PTPRG: variants seen among roughly 807,000 people sequenced by gnomAD.
PTPRG encodes the protein protein tyrosine phosphatase receptor type G.
Under a neutral mutation model 165.3 loss-of-function variants are expected in PTPRG, and 102 were observed. That is an observed-to-expected ratio of 0.62 (90% CI 0.53 to 0.73). The LOEUF is 0.73. PTPRG is among the 30% of genes least tolerant of loss of function. The pLI is 0.00. For missense variants in PTPRG, 1,866 were observed against 1,861.4 expected (o/e 1.00, Z -0.05); for synonymous variants, 675 against 669.5 (o/e 1.01, Z -0.13).
chr3:61,830,375 A>G (rs551860880), intron 2 of PTPRG, among the ~76,000 whole-genome samples: 25 of 152,272 alleles, frequency 1.6e-4, no homozygotes, highest in South Asian at 8.3e-4. Flanking sequence ...GTGTAATTAC[A>G]GTTCAACCAT....
At chr3:62,066,243 A>G (rs1361979633) in intron 4 of PTPRG, among the ~76,000 whole-genome samples, 2 of 152,238 alleles carry the variant, frequency 1.3e-5, no homozygotes, top group Non-Finnish European at 2.9e-5. Flanking sequence ...AAGAACTCTA[A>G]TGGTAACTTT....
Position 62,078,182 on chromosome 3 carries a change from A to C in PTPRG, c.539A>C (p.Asn180Thr). Reference sequence around the variant, plus strand: ...TTACAGATGCAGATTTTCTTTTACAATCCAGATGACTTTGACAGCTTTCAA... The same window carrying C: ...TTACAGATGCAGATTTTCTTTTACACTCCAGATGACTTTGACAGCTTTCAA... ...FPVEMQIFFYNPDDFDSFQTA... is the reference protein window; with the variant it reads ...FPVEMQIFFYTPDDFDSFQTA... The change falls in exon 5 of 30, where the codon AAT becomes ACT. Residue 180 changes from asparagine (N) to threonine (T), a missense_variant. This residue lies in a region of PTPRG where 408 missense variants were observed against 376.2 expected (regional missense o/e 1.08). Transcript: ENST00000474889. 1 of 1,605,142 alleles carries C rather than the reference A, an allele frequency of 6.2e-7. No homozygotes were observed. Among genetic ancestry groups the C allele is most frequent in the Non-Finnish European group, 8.5e-7 (1 of 1,175,490 alleles).
At chr3:62,268,209 A>T (rs1054754488) in intron 19 of PTPRG, among the ~76,000 whole-genome samples, 1 of 152,102 alleles carries the variant, frequency 6.6e-6, no homozygotes, top group Non-Finnish European at 1.5e-5. Flanking sequence ...AAATTGAAAG[A>T]AGCGTGGTGT....
At chr3:61,746,208 ATTTTTTTTTTTTTTT>A (rs750697053) in intron 1 of PTPRG, among the ~76,000 whole-genome samples, 1 of 81,326 alleles carries the variant, frequency 1.2e-5, no homozygotes, top group Admixed American at 1.4e-4. Context: ...ACACACTCTA[ATTTTTTTTTTTTTTT>A]TTTTTTTTTT....
chr3:61,747,932 C>A (rs548512012), intron 1 of PTPRG, among the ~76,000 whole-genome samples: 1 of 152,218 alleles, frequency 6.6e-6, no homozygotes, highest in South Asian at 2.1e-4. Context: ...TCTTCTTATA[C>A]ATCAGTGTTT....
intron 1 of PTPRG, among the ~76,000 whole-genome samples, chr3:61,653,363 C>T (rs1006481909): frequency 6.6e-6 from 1 of 151,814 alleles, no homozygotes; most frequent in African/African-American, 2.4e-5. Flanking sequence ...GCATATTTGT[C>T]TCCTGTTCCT....
At chr3:61,579,527 C>T (rs1482558322) in intron 1 of PTPRG, among the ~76,000 whole-genome samples, 1 of 152,200 alleles carries the variant, frequency 6.6e-6, no homozygotes, top group African/African-American at 2.4e-5. Flanking sequence ...ATCTGTAATT[C>T]ATCCTTGCAT....
At chr3:61,841,946 A>AC (rs1179503262) in intron 2 of PTPRG, among the ~76,000 whole-genome samples, 4 of 152,232 alleles carry the variant, frequency 2.6e-5, no homozygotes, top group African/African-American at 9.6e-5. Context: ...AACTTGGGTC[A>AC]CCACACAACT....
chr3:61,748,693 TTAATAA>T (rs1322213751), intron 1 of PTPRG, among the ~76,000 whole-genome samples, 179 bp from the exon 2 acceptor site: 3 of 151,192 alleles, frequency 2.0e-5, no homozygotes, highest in Non-Finnish European at 4.4e-5. Context: ...ATTCCTAATA[TTAATAA>T]TAATAATTTG....
At chr3:62,178,109 G>A (rs1026109959) in intron 8 of PTPRG, among the ~76,000 whole-genome samples, 12 of 151,946 alleles carry the variant, frequency 7.9e-5, no homozygotes, top group African/African-American at 2.7e-4. Flanking sequence ...GAGGATGGAT[G>A]GATGTGTGGA....
At chr3:61,668,130 A>G (rs1305339278) in intron 1 of PTPRG, among the ~76,000 whole-genome samples, 4 of 152,244 alleles carry the variant, frequency 2.6e-5, no homozygotes, top group Non-Finnish European at 4.4e-5. Flanking sequence ...CTGCCTACCC[A>G]TACAGAAGAC....
At chr3:62,238,338 G>A (rs1213801319) in intron 14 of PTPRG, among the ~76,000 whole-genome samples, 11 of 152,146 alleles carry the variant, frequency 7.2e-5, no homozygotes, top group Admixed American at 6.5e-4. Flanking sequence ...TGGGTATCTT[G>A]TTGATGGGGG....
chr3:62,083,403 G>C (rs921626667), intron 5 of PTPRG, among the ~76,000 whole-genome samples: 1 of 151,924 alleles, frequency 6.6e-6, no homozygotes, highest in African/African-American at 2.4e-5. Context: ...GCCCGGCTTT[G>C]CCATTACTTT....
chr3:61,716,495 C>A (rs2031812994), intron 1 of PTPRG, among the ~76,000 whole-genome samples: 1 of 152,074 alleles, frequency 6.6e-6, no homozygotes, highest in African/African-American at 2.4e-5. Context: ...AAATTATTGT[C>A]CCTTTTTATA....
chr3:62,129,875 G>A (rs757913191), intron 5 of PTPRG, among the ~76,000 whole-genome samples: 1 of 152,150 alleles, frequency 6.6e-6, no homozygotes, highest in Non-Finnish European at 1.5e-5. Flanking sequence ...TGATCAGGTG[G>A]CCAGCAAATG....
chr3:61,564,527 G>C (rs1437566984), intron 1 of PTPRG, among the ~76,000 whole-genome samples: 1 of 152,196 alleles, frequency 6.6e-6, no homozygotes, highest in East Asian at 1.9e-4. Context: ...CCCTTTCCTG[G>C]TCCGGGAGCC....
At chr3:61,762,004 T>A (rs1032888337) in intron 2 of PTPRG, among the ~76,000 whole-genome samples, 4 of 151,868 alleles carry the variant, frequency 2.6e-5, no homozygotes, top group African/African-American at 7.2e-5. Context: ...TGAGAGATTT[T>A]AGCAGGAAAA....
intron 24 of PTPRG, 180 bp from the exon 25 acceptor site, chr3:62,276,792 A>C: frequency 1.7e-6 from 1 of 578,462 alleles, no homozygotes; most frequent in Non-Finnish European, 3.1e-6. Context: ...TATGTGCAGC[A>C]AAATTTCATT....
At chr3:61,682,712 TG>T (rs1326216563) in intron 1 of PTPRG, among the ~76,000 whole-genome samples, 2 of 152,242 alleles carry the variant, frequency 1.3e-5, no homozygotes, top group Non-Finnish European at 2.9e-5. Context: ...CCTGCTGTTT[TG>T]TTTCCAACTC....
Sources: allele counts gnomAD v4.1 joint callset (sites outside exome capture counted in the v4.1 genomes callset), GRCh38; gene constraint gnomAD v4.1.1; regional missense constraint gnomAD v4.1.1; transcripts MANE v1.5; gene names NCBI Gene and HGNC (gene_info 2026-07-23, HGNC 2026-07-21).